The following SGCZ variants were observed in gnomAD, a reference collection of about 807,000 sequenced individuals.
SGCZ encodes sarcoglycan zeta, also known as zeta-sarcoglycan.
A neutral mutation model predicts 41.3 loss-of-function variants in SGCZ; 40 were observed. The ratio of observed to expected loss-of-function variants is 0.97; its 90% CI spans 0.75 to 1.26. The LOEUF (loss-of-function observed/expected upper bound fraction) is 1.26. Ranked by LOEUF, SGCZ falls within the 50% of genes most tolerant of loss-of-function variation. SGCZ has a pLI of 0.00. For missense variants in SGCZ, 552 were observed against 369.8 expected, an observed-to-expected ratio of 1.49 and a Z score of -4.04; for synonymous variants, 206 against 137.5, an observed-to-expected ratio of 1.50 and a Z score of -3.49.
chr8:14,156,250 G>C (rs1803872528), intron 5 of SGCZ, among the ~76,000 whole-genome samples: 2 of 152,120 alleles, frequency 1.3e-5, no homozygotes, highest in South Asian at 2.1e-4. Context: ...ACTAGGTCAG[G>C]AGATGGAGAC....
chr8:14,591,515 C>T lies in SGCZ; in HGVS notation c.40-36589G>A, dbSNP rs544316859. On this transcript the variant is annotated intron_variant, in intron 1 of 7. Coordinates refer to ENST00000382080, the MANE Select transcript of SGCZ (RefSeq NM_139167.4). ...AAACCTAGAAAAGATGTTTTATCCT[C>T]GAAATATAAAATATACACAAAATAG... Among the ~76,000 whole-genome samples, 4 of 151,964 alleles carry T rather than the reference C, an allele frequency of 2.6e-5. 1 individual carries two copies. In the South Asian group the frequency reaches 6.2e-4, roughly 24 times the overall value.
intron 1 of SGCZ, among the ~76,000 whole-genome samples, chr8:15,083,516 T>C (rs534365239): frequency 1.3e-5 from 2 of 152,268 alleles, no homozygotes; most frequent in East Asian, 3.9e-4. Flanking sequence ...AAGTAATAAC[T>C]TTTTTGCTAT....
At chr8:14,656,001 C>T (rs1807555885) in intron 1 of SGCZ, among the ~76,000 whole-genome samples, 1 of 152,094 alleles carries the variant, frequency 6.6e-6, no homozygotes, top group African/African-American at 2.4e-5. Context: ...GAACTACTCA[C>T]CCCTTGAAGC....
At chr8:14,965,898 T>C (rs1043398144) in intron 1 of SGCZ, among the ~76,000 whole-genome samples, 1 of 151,994 alleles carries the variant, frequency 6.6e-6, no homozygotes, top group Non-Finnish European at 1.5e-5. Flanking sequence ...GAATAAACAA[T>C]ACTCTACCTC....
intron 2 of SGCZ, among the ~76,000 whole-genome samples, chr8:14,467,212 G>C (rs187880781): frequency 6.6e-6 from 1 of 151,758 alleles, no homozygotes; most frequent in African/African-American, 2.4e-5. Flanking sequence ...CCATATTTGA[G>C]GTTGCTTCTG....
intron 4 of SGCZ, among the ~76,000 whole-genome samples, chr8:14,232,490 T>G (rs1806606553): frequency 6.6e-6 from 1 of 152,102 alleles, no homozygotes; most frequent in African/African-American, 2.4e-5. Flanking sequence ...TCAGGCTTAT[T>G]TAAGCCCTAA....
At chr8:14,638,176 A>G (rs1041974366) in intron 1 of SGCZ, among the ~76,000 whole-genome samples, 2 of 151,842 alleles carry the variant, frequency 1.3e-5, no homozygotes, top group African/African-American at 4.8e-5. Context: ...GACATAGCCA[A>G]AGATTCTTAC....
chr8:14,844,867 T>C (rs1803046384), intron 1 of SGCZ, among the ~76,000 whole-genome samples: 2 of 152,130 alleles, frequency 1.3e-5, no homozygotes, highest in African/African-American at 4.8e-5. Context: ...AAACATACAA[T>C]GCAAGCCTTA....
intron 1 of SGCZ, among the ~76,000 whole-genome samples, chr8:15,237,206 A>T (rs1802155771): frequency 6.6e-6 from 1 of 152,032 alleles, no homozygotes; most frequent in Non-Finnish European, 1.5e-5. Context: ...CAGCTCGGAC[A>T]ACTTTGCTGG....
At chr8:15,022,589 G>T (rs549430895) in intron 1 of SGCZ, among the ~76,000 whole-genome samples, 2 of 152,022 alleles carry the variant, frequency 1.3e-5, no homozygotes, top group East Asian at 1.9e-4. Context: ...TGATGCACCC[G>T]CCTCGGCCTC....
intron 1 of SGCZ, among the ~76,000 whole-genome samples, chr8:15,156,057 CAA>C (rs67378130): frequency 0.021 from 2,277 of 110,852 alleles, 81 homozygotes; most frequent in African/African-American, 0.078. Flanking sequence ...GATTCCCTCT[CAA>C]AAAAAAAAAA....
chr8:14,470,135 T>A (rs377212976), intron 2 of SGCZ, among the ~76,000 whole-genome samples: 15 of 152,026 alleles, frequency 9.9e-5, no homozygotes, highest in African/African-American at 3.4e-4. Flanking sequence ...GTAGACAGCA[T>A]CAGAACTGAA....
chr8:14,257,110 C>T (rs1012152522), intron 3 of SGCZ, among the ~76,000 whole-genome samples: 1 of 152,070 alleles, frequency 6.6e-6, no homozygotes, highest in Admixed American at 6.5e-5. Context: ...GGACAGATTG[C>T]TTTAATCCAC....
At chr8:14,328,419 G>A (rs1802197778) in intron 2 of SGCZ, among the ~76,000 whole-genome samples, 1 of 151,982 alleles carries the variant, frequency 6.6e-6, no homozygotes, top group Admixed American at 6.6e-5. Context: ...CCTTTGTTAA[G>A]TGCCAATCAC....
chr8:14,854,323 A>G (rs926561045), intron 1 of SGCZ, among the ~76,000 whole-genome samples: 2 of 151,856 alleles, frequency 1.3e-5, no homozygotes, highest in African/African-American at 2.4e-5. Context: ...ACAAAAAGTT[A>G]ATTTGTATTC....
chr8:14,731,789 A>G (rs1810247648), intron 1 of SGCZ, among the ~76,000 whole-genome samples: 1 of 152,060 alleles, frequency 6.6e-6, no homozygotes, highest in Non-Finnish European at 1.5e-5. Context: ...CTCTAAGACC[A>G]TTTCTTTTTC....
intron 1 of SGCZ, among the ~76,000 whole-genome samples, chr8:14,614,434 T>C (rs993122474): frequency 3.9e-5 from 6 of 152,218 alleles, no homozygotes; most frequent in South Asian, 2.1e-4. Context: ...GTTCTGTATA[T>C]GCATTAACAG....
intron 1 of SGCZ, among the ~76,000 whole-genome samples, chr8:14,735,175 A>G (rs939986351): frequency 3.9e-5 from 6 of 152,114 alleles, no homozygotes; most frequent in African/African-American, 7.2e-5. Context: ...ACTTGACCCA[A>G]ATTATTTTGT....
chr8:14,761,472 TA>T (rs1799869615), intron 1 of SGCZ, among the ~76,000 whole-genome samples: 1 of 151,426 alleles, frequency 6.6e-6, no homozygotes, highest in Non-Finnish European at 1.5e-5. Flanking sequence ...GATCTACCTG[TA>T]GACTCTCAAG....
Sources: allele counts gnomAD v4.1 joint callset (sites outside exome capture counted in the v4.1 genomes callset), GRCh38; gene constraint gnomAD v4.1.1; transcripts MANE v1.5; gene names NCBI Gene and HGNC (gene_info 2026-07-23, HGNC 2026-07-21).